FRY: variants seen among roughly 807,000 people sequenced by gnomAD.
FRY encodes the protein protein furry homolog.
Under a neutral mutation model 348.4 loss-of-function variants are expected in FRY, and 128 were observed. The observed-to-expected ratio is 0.37, with a 90% CI of 0.32 to 0.43. FRY has a LOEUF of 0.43. Ranked by LOEUF, FRY falls within the 20% of genes least tolerant of loss-of-function variation. The pLI is 1.00. For synonymous variants in FRY, 1,370 were observed against 1,374.7 expected (o/e 1.00, Z 0.08); for missense variants, 2,736 against 3,695.2 (o/e 0.74, Z 6.73).
chr13:32,274,501 G>A (rs551282492), intron 55 of FRY, among the ~76,000 whole-genome samples: 53 of 149,798 alleles, frequency 3.5e-4, no homozygotes, highest in South Asian at 1.1e-3. Flanking sequence ...AGGTCAGATC[G>A]AGACCATCCT....
chr13:32,184,230 T>C (rs1415484781), intron 24 of FRY, among the ~76,000 whole-genome samples: 1 of 152,120 alleles, frequency 6.6e-6, no homozygotes, highest in East Asian at 1.9e-4. Flanking sequence ...AATTCAGCAG[T>C]GTGAATAAGA....
intron 55 of FRY, among the ~76,000 whole-genome samples, chr13:32,274,577 A>G (rs111465443): frequency 0.011 from 1,713 of 151,208 alleles, 10 homozygotes; most frequent in Middle Eastern, 0.017. Context: ...GGTGGCAGGC[A>G]CCTGTAGTCC....
Position 32,147,304 on chromosome 13 carries a change from G to A in FRY, c.1202G>A (p.Arg401Gln), listed in dbSNP as rs1395279055. Residue 401 changes from arginine (R) to glutamine (Q), a missense_variant, in exon 12 of 61, where the codon CGA (arginine) becomes CAA (glutamine). Physicochemically the swap from Arg to Gln is conservative, Grantham distance 43. Around this residue, in one of 9 missense-constraint regions of FRY, gnomAD observed 191 missense variants for 370.2 expected, o/e 0.52. Transcript: ENST00000542859. ...TAGAACAAAGATCCCAAGATGGCTC[G>A]AGTTGCACTGGAATCTCTCTACAGA... Reference protein sequence around the residue: ...NLKNKDPKMARVALESLYRLL... With the variant: ...NLKNKDPKMAQVALESLYRLL... The A allele has an allele frequency of 6.2e-7, 1 of 1,609,386 alleles. No homozygotes were observed. The highest frequency in any genetic ancestry group is 2.2e-5 in the East Asian group (1 of 44,848).
At chr13:32,047,010 A>T (rs1168247406) in intron 1 of FRY, among the ~76,000 whole-genome samples, 1 of 151,962 alleles carries the variant, frequency 6.6e-6, no homozygotes, top group Non-Finnish European at 1.5e-5. Context: ...TAAAAAAGAG[A>T]CTCTACCTGA....
intron 44 of FRY, among the ~76,000 whole-genome samples, chr13:32,238,243 C>T (rs1320783237): frequency 6.6e-6 from 1 of 151,998 alleles, no homozygotes; most frequent in African/African-American, 2.4e-5. Flanking sequence ...TTTAGCTTTC[C>T]AGATCAAACT....
intron 3 of FRY, among the ~76,000 whole-genome samples, chr13:32,104,859 C>A (rs1247952671): frequency 6.6e-6 from 1 of 152,174 alleles, no homozygotes; most frequent in African/African-American, 2.4e-5. Flanking sequence ...CTCTCTCTTG[C>A]CTGCTGCCAT....
intron 2 of FRY, among the ~76,000 whole-genome samples, chr13:32,087,270 T>G (rs1039972790): frequency 1.3e-5 from 2 of 152,220 alleles, no homozygotes; most frequent in Non-Finnish European, 2.9e-5. Context: ...GGCCAGGCAA[T>G]TAGCTAATGA....
intron 1 of FRY, among the ~76,000 whole-genome samples, chr13:32,033,300 A>G (rs1015156781): frequency 1.3e-5 from 2 of 152,184 alleles, no homozygotes; most frequent in East Asian, 3.8e-4. Context: ...AGTGTTCTTT[A>G]TGGAGCAGTT....
At chr13:32,279,973 C>T (rs993957669) in intron 58 of FRY, among the ~76,000 whole-genome samples, 4 of 152,166 alleles carry the variant, frequency 2.6e-5, no homozygotes, top group African/African-American at 9.7e-5. Flanking sequence ...CTAAAGAGGG[C>T]ATTGAAGTAG....
At chr13:32,285,323 A>G (rs1888992696) in intron 58 of FRY, among the ~76,000 whole-genome samples, 1 of 152,208 alleles carries the variant, frequency 6.6e-6, no homozygotes, top group Non-Finnish European at 1.5e-5. Flanking sequence ...TTGGAACTCT[A>G]AATGCAAACT....
In FRY at chr13:32,042,050, C is replaced by G. The variant is rs113584743; in HGVS notation, c.70+10185C>G. Among the ~76,000 whole-genome samples, 591 of 152,222 alleles carry G rather than the reference C, an allele frequency of 3.9e-3. 3 individuals carry two copies. Among genetic ancestry groups the G allele is most frequent in the African/African-American group, 0.014 (568 of 41,518 alleles). On this transcript the variant is annotated intron_variant, in intron 1 of 60. Transcript: ENST00000542859. ...ATCCATTTTATCTTAGCTTCTTTTC[C>G]TTTATTTTGTTATCTGTTTTGTTAA...
At chr13:32,178,120 T>A in intron 20 of FRY, 57 bp from the exon 21 acceptor site, 1 of 1,588,996 alleles carries the variant, frequency 6.3e-7, no homozygotes, top group Non-Finnish European at 8.6e-7. Context: ...TGAGCCTTGA[T>A]GAGGATGGAT....
intron 18 of FRY, 96 bp from the exon 19 acceptor site, chr13:32,173,271 C>A (rs1245686168): frequency 5.8e-6 from 5 of 856,512 alleles, no homozygotes; most frequent in Non-Finnish European, 9.9e-6. Context: ...TTAATATTTA[C>A]AAGGTCAAAT....
intron 31 of FRY, among the ~76,000 whole-genome samples, chr13:32,207,003 T>C (rs1205257663): frequency 6.6e-6 from 1 of 152,186 alleles, no homozygotes; most frequent in African/African-American, 2.4e-5. Flanking sequence ...TTTTCTTTTC[T>C]TGTTCCCTTT....
At position 32,136,165 on chromosome 13, in the gene FRY, A is replaced by G. The variant is rs138118490; in HGVS notation, c.1078-706A>G. On this transcript the variant is annotated intron_variant, in intron 10 of 60. Transcript: ENST00000542859. Reference sequence around the variant, plus strand: ...GATTAAGAGGGAATCATAAAGGTCTATTACATCTGGCTTAGCAAAATGGTG... The same window carrying G: ...GATTAAGAGGGAATCATAAAGGTCTGTTACATCTGGCTTAGCAAAATGGTG... Among the ~76,000 whole-genome samples, 5 of 152,212 alleles carry G rather than the reference A, an allele frequency of 3.3e-5. No homozygotes were observed. The East Asian group carries it at 7.7e-4, about 24-fold the overall frequency.
intron 3 of FRY, among the ~76,000 whole-genome samples, chr13:32,117,020 A>C (rs1878342976): frequency 6.6e-6 from 1 of 152,238 alleles, no homozygotes; most frequent in South Asian, 2.1e-4. Flanking sequence ...TACTTTAGGC[A>C]GATGAACGTG....
chr13:32,129,273 C>T (rs1879209492), intron 7 of FRY, among the ~76,000 whole-genome samples: 1 of 152,176 alleles, frequency 6.6e-6, no homozygotes, highest in Admixed American at 6.5e-5. Flanking sequence ...AATACAGTCA[C>T]ATTTCGATCT....
chr13:32,297,388 A>G lies in FRY; in HGVS notation c.*1928A>G, dbSNP rs2072079924. 1 of 152,172 alleles carries G rather than the reference A, an allele frequency of 6.6e-6. No homozygotes were observed. The highest frequency in any genetic ancestry group is 2.4e-5 in the African/African-American group (1 of 41,460). 9.4% of individuals were successfully genotyped at this position (152,172 alleles called of 1,614,324 possible). A position where few individuals can be genotyped will look rare whatever the true frequency, so the allele number is the denominator to read the frequency against. ...TGGCTAACCACAGTAGACAACTTTC[A>G]GAGAGTTTTGTTGGGAGCCACAGTA... On this transcript the variant is annotated 3_prime_UTR_variant, in exon 61 of 61. Transcript: ENST00000542859.
chr13:32,220,522 G>A (rs562486900), intron 36 of FRY, among the ~76,000 whole-genome samples: 46 of 152,304 alleles, frequency 3.0e-4, no homozygotes, highest in Middle Eastern at 6.8e-3. Context: ...ACCATAGGCC[G>A]TTACTTCTAG....
Sources: gnomAD v4.1 joint callset for allele counts (sites outside exome capture counted in the v4.1 genomes callset) on GRCh38, gnomAD v4.1.1 for gene constraint, gnomAD v4.1.1 regional missense constraint, MANE v1.5 for transcripts, NCBI Gene and HGNC (gene_info 2026-07-23, HGNC 2026-07-21) for gene names.